Variants in CD109 observed in about 807,000 individuals in gnomAD.
CD109 encodes CD109 molecule.
Under a neutral mutation model 165.8 loss-of-function variants are expected in CD109, and 149 were observed. The ratio of observed to expected loss-of-function variants is 0.90; its 90% CI spans 0.79 to 1.03. The LOEUF (loss-of-function observed/expected upper bound fraction) is 1.03, where lower values mean the gene tolerates loss of function less well. CD109 is among the 50% of genes least tolerant of loss of function. The pLI, the probability that CD109 is intolerant of heterozygous loss-of-function variation, is 0.00. For missense variants in CD109, 1,712 were observed against 1,677.8 expected (o/e 1.02, Z -0.36); for synonymous variants, 585 against 592.1 (o/e 0.99, Z 0.18).
chr6:73,763,575 G>C lies in CD109; in HGVS notation c.998-1G>C. 1 of 1,516,862 alleles carries C rather than the reference G, an allele frequency of 6.6e-7. No individual in the cohort carries two copies. Among genetic ancestry groups the C allele is most frequent in the Non-Finnish European group, 9.0e-7 (1 of 1,114,014 alleles). 94.0% of individuals were successfully genotyped at this position (1,516,862 alleles called of 1,614,324 possible). ...TCTAAATTGTGCAATTTCCAAAAAA[G>C]GTATTTCAAGAAATGTAAGCACTAA... On this transcript the variant is annotated splice_acceptor_variant, in intron 9 of 32. Transcript: ENST00000287097. LOFTEE classifies it high-confidence loss of function.
At position 73,739,442 on chromosome 6, in the gene CD109, T is replaced by C. The variant is rs568619498; in HGVS notation, c.633+2934T>C. 3.3e-5 allele frequency among the ~76,000 whole-genome samples: 5 copies of C among 152,292 alleles called. No homozygotes were observed. The South Asian group carries it at 1.0e-3, about 32-fold the overall frequency. The stretch of plus-strand genomic sequence containing the variant: ...TTTCTTTTAGTAGTGAATAATAACA[T>C]AGAGGAAATGTATTTATTATTTAAA... On this transcript the variant is annotated intron_variant, in intron 5 of 32. Coordinates refer to ENST00000287097, the MANE Select transcript of CD109 (RefSeq NM_133493.5).
chr6:73,723,198 A>G, intron 2 of CD109, 53 bp from the exon 3 acceptor site: 1 of 1,610,150 alleles, frequency 6.2e-7, no homozygotes, highest in Non-Finnish European at 8.5e-7. Flanking sequence ...TTTGTATTCT[A>G]TCATCATATT....
intron 32 of CD109, among the ~76,000 whole-genome samples, chr6:73,822,228 A>G (rs948375842): frequency 1.3e-5 from 2 of 152,182 alleles, no homozygotes; most frequent in African/African-American, 4.8e-5. Flanking sequence ...TAATGTTTCT[A>G]ATTGTAATAT....
intron 6 of CD109, among the ~76,000 whole-genome samples, chr6:73,757,751 A>T (rs946860799): frequency 2.3e-4 from 35 of 152,254 alleles, no homozygotes; most frequent in African/African-American, 8.4e-4. Context: ...ATACTATTTT[A>T]GATATATAGG....
intron 15 of CD109, among the ~76,000 whole-genome samples, chr6:73,775,587 G>A (rs1774214203): frequency 1.3e-5 from 2 of 152,124 alleles, no homozygotes; most frequent in South Asian, 2.1e-4. Flanking sequence ...TTGTGTCATA[G>A]GGGTTTGTTG....
intron 23 of CD109, among the ~76,000 whole-genome samples, chr6:73,795,558 G>T (rs559671143): frequency 1.3e-5 from 2 of 152,284 alleles, no homozygotes; most frequent in East Asian, 3.9e-4. Context: ...GATTGCCTGA[G>T]ATCCCTCCTC....
intron 2 of CD109, among the ~76,000 whole-genome samples, chr6:73,702,509 T>C (rs1467468301): frequency 6.6e-6 from 1 of 152,234 alleles, no homozygotes; most frequent in Non-Finnish European, 1.5e-5. Flanking sequence ...CCTGCAGTTA[T>C]GTTAGAATTA....
chr6:73,822,174 A>G (rs1244270652), intron 32 of CD109, among the ~76,000 whole-genome samples: 2 of 152,214 alleles, frequency 1.3e-5, no homozygotes, highest in African/African-American at 4.8e-5. Context: ...AATAGGATGA[A>G]TCCATGTTCA....
chr6:73,713,157 A>G (rs966062931), intron 2 of CD109, among the ~76,000 whole-genome samples: 3 of 152,180 alleles, frequency 2.0e-5, no homozygotes, highest in Non-Finnish European at 4.4e-5. Flanking sequence ...ACTTTCAAAT[A>G]AGTCCTATGC....
In CD109 at chr6:73,806,898, T is replaced by C. The variant is rs753467128; in HGVS notation, c.3015T>C (p.Ile1005=). The C allele has an allele frequency of 1.2e-6, 2 of 1,613,948 alleles. No homozygotes were observed. Among genetic ancestry groups the C allele is most frequent in the South Asian group, 2.2e-5 (2 of 91,070 alleles). The change falls in exon 25 of 33, where the codon ATT becomes ATC. Residue 1005 remains isoleucine (I), a synonymous_variant. Coordinates refer to ENST00000287097, the MANE Select transcript of CD109 (RefSeq NM_133493.5). Reference sequence around the variant, plus strand: ...TTGAAGCCGATCCTTACATAGATATTGATCAGAATGTGTTACACAGAACAT... The same window carrying C: ...TTGAAGCCGATCCTTACATAGATATCGATCAGAATGTGTTACACAGAACAT... The part of the protein sequence containing the change: ...CFLEADPYID[I]DQNVLHRTYT...
chr6:73,753,607 GT>G (rs1342338358), intron 5 of CD109, among the ~76,000 whole-genome samples: 3 of 152,254 alleles, frequency 2.0e-5, no homozygotes, highest in Admixed American at 6.5e-5. Flanking sequence ...CTTCCAAAAT[GT>G]TTTCTAGATT....
the CD109 span, among the ~76,000 whole-genome samples, chr6:73,679,390 G>T: frequency 6.6e-6 from 1 of 151,408 alleles, no homozygotes; most frequent in Non-Finnish European, 1.5e-5. Context: ...AAATTTTGGA[G>T]AAAAAAGTTA....
intron 31 of CD109, 114 bp downstream of exon 31, chr6:73,818,649 T>A: frequency 1.1e-6 from 1 of 950,008 alleles, no homozygotes. Context: ...ACTTTTTGTG[T>A]CCCTGAATGA....
chr6:73,788,392 G>A (rs1426648470), intron 21 of CD109, 76 bp from the exon 22 acceptor site: 1 of 1,312,516 alleles, frequency 7.6e-7, no homozygotes. Context: ...TCAGATGTTT[G>A]TGCTCATATC....
chr6:73,747,413 G>C (rs1254449825), intron 5 of CD109, among the ~76,000 whole-genome samples: 1 of 151,958 alleles, frequency 6.6e-6, no homozygotes, highest in Non-Finnish European at 1.5e-5. Flanking sequence ...CTTTCTACTT[G>C]TTTGGATTCT....
At chr6:73,737,724 A>G (rs749946181) in intron 5 of CD109, among the ~76,000 whole-genome samples, 5 of 152,210 alleles carry the variant, frequency 3.3e-5, no homozygotes, top group Non-Finnish European at 7.3e-5. Context: ...AAGAGTAGGC[A>G]TTTGTGAAAC....
At chr6:73,821,536 C>G (rs895483479) in intron 32 of CD109, among the ~76,000 whole-genome samples, 1 of 152,158 alleles carries the variant, frequency 6.6e-6, no homozygotes, top group African/African-American at 2.4e-5. Context: ...GAATACTATA[C>G]AGCCATAAAA....
At chr6:73,791,162 T>TACACACACATACAC (rs1774931410) in intron 22 of CD109, among the ~76,000 whole-genome samples, 3 of 36,330 alleles carry the variant, frequency 8.3e-5, no homozygotes, top group Non-Finnish European at 1.0e-4. Flanking sequence ...TATATATATA[T>TACACACACATACAC]ATATATATAT....
chr6:73,774,864 C>T (rs1774180272), intron 15 of CD109, among the ~76,000 whole-genome samples: 2 of 151,922 alleles, frequency 1.3e-5, no homozygotes, highest in African/African-American at 2.4e-5. Flanking sequence ...TTAAAGTTTT[C>T]TGCTTGCTTT....
Sources: gnomAD v4.1 joint callset for allele counts (sites outside exome capture counted in the v4.1 genomes callset) on GRCh38, gnomAD v4.1.1 for gene constraint, MANE v1.5 for transcripts, NCBI Gene and HGNC (gene_info 2026-07-23, HGNC 2026-07-21) for gene names.